PPFIA2: variants seen among roughly 807,000 people sequenced by gnomAD.
PPFIA2 encodes PPFI scaffold protein A2, also known as liprin-alpha-2.
PPFIA2 carries 46 observed loss-of-function variants against 175.5 expected under a neutral mutation model. The ratio of observed to expected loss-of-function variants is 0.26; its 90% CI spans 0.21 to 0.34. The LOEUF is 0.34. Ranked by LOEUF, PPFIA2 falls within the 10% of genes least tolerant of loss-of-function variation. PPFIA2 has a pLI of 1.00. For missense variants in PPFIA2, 1,179 were observed against 1,506.1 expected, an observed-to-expected ratio of 0.78 and a Z score of 3.60; for synonymous variants, 568 against 511.4, an observed-to-expected ratio of 1.11 and a Z score of -1.49.
chr12:81,672,251 T>C (rs2153564497), intron 4 of PPFIA2, among the ~76,000 whole-genome samples: 1 of 152,142 alleles, frequency 6.6e-6, no homozygotes, highest in South Asian at 2.1e-4. Flanking sequence ...ATCTTATCTG[T>C]TGAAGTAAAT....
chr12:81,515,739 C>A (rs1321070131), intron 4 of PPFIA2, among the ~76,000 whole-genome samples: 1 of 152,084 alleles, frequency 6.6e-6, no homozygotes, highest in Non-Finnish European at 1.5e-5. Flanking sequence ...GATTATTTAA[C>A]AATTCTATTT....
At chr12:81,740,582 G>T (rs796184506) in intron 3 of PPFIA2, among the ~76,000 whole-genome samples, 6 of 152,280 alleles carry the variant, frequency 3.9e-5, no homozygotes, top group African/African-American at 1.4e-4. Context: ...AAGCTGTAAA[G>T]CTCTGAAGTG....
At chr12:81,472,823 T>C (rs2056941708) in intron 4 of PPFIA2, 1 of 152,232 alleles carries the variant, frequency 6.6e-6, no homozygotes, top group Non-Finnish European at 1.5e-5. Flanking sequence ...TTTTCTCTCC[T>C]GTTCCTAGGG....
chr12:81,640,617 C>T (rs2064833289), intron 4 of PPFIA2, among the ~76,000 whole-genome samples: 1 of 152,004 alleles, frequency 6.6e-6, no homozygotes, highest in African/African-American at 2.4e-5. Context: ...GCCCCATCAT[C>T]CATTTCCATT....
rs1469603397 is a variant in PPFIA2 at position 81,281,271 on chromosome 12, C to A, written c.3198G>T (p.Val1066=). 1.9e-6 allele frequency: 3 copies of A among 1,597,972 alleles called. No individual in the cohort carries two copies. In the South Asian group the frequency reaches 3.4e-5, roughly 18 times the overall value. ...KKDLRVHLKM[V]DSFHRTSLQY... is the part of the protein sequence containing the mutation. ...AAAACACCTACCGATGGAAACTATC[C>A]ACCATTTTTAAATGGACACGGAGAT... Residue 1066 remains valine (V), a synonymous_variant, in exon 27 of 33, where the codon GTG becomes GTT. Coordinates refer to ENST00000549396, the MANE Select transcript of PPFIA2 (RefSeq NM_003625.5).
At chr12:81,748,052 T>C (rs2083281080) in intron 3 of PPFIA2, among the ~76,000 whole-genome samples, 2 of 144,512 alleles carry the variant, frequency 1.4e-5, no homozygotes, top group Non-Finnish European at 3.1e-5. Context: ...GACTTTCCAA[T>C]GGTCCTCCAG....
At chr12:81,341,306 T>C in intron 19 of PPFIA2, 98 bp from the exon 20 acceptor site, 1 of 1,221,508 alleles carries the variant, frequency 8.2e-7, no homozygotes, top group Non-Finnish European at 1.1e-6. Context: ...TCGAGTAATT[T>C]TAATACAAAA....
chr12:81,586,539 G>A (rs887782587), intron 4 of PPFIA2, among the ~76,000 whole-genome samples: 2 of 151,630 alleles, frequency 1.3e-5, no homozygotes, highest in Admixed American at 1.3e-4. Context: ...ACATATTTAT[G>A]ACTATAAAAC....
At chr12:81,731,434 G>A (rs1208326655) in intron 3 of PPFIA2, among the ~76,000 whole-genome samples, 2 of 151,576 alleles carry the variant, frequency 1.3e-5, no homozygotes, top group African/African-American at 4.8e-5. Context: ...TTGAGACACA[G>A]GGAGGTTCAG....
intron 4 of PPFIA2, among the ~76,000 whole-genome samples, chr12:81,601,903 A>G (rs1221429827): frequency 6.6e-6 from 1 of 151,944 alleles, no homozygotes; most frequent in Non-Finnish European, 1.5e-5. Context: ...TAGCAATTTA[A>G]TGCCCATCTT....
intron 4 of PPFIA2, among the ~76,000 whole-genome samples, chr12:81,461,304 C>T (rs1000501870): frequency 1.3e-5 from 2 of 152,012 alleles, no homozygotes; most frequent in Non-Finnish European, 2.9e-5. Context: ...TCAAGGTCAC[C>T]GCTCAATATG....
chr12:81,448,653 T>C (rs564705450), intron 5 of PPFIA2, among the ~76,000 whole-genome samples: 1 of 152,204 alleles, frequency 6.6e-6, no homozygotes, highest in Non-Finnish European at 1.5e-5. Flanking sequence ...TTTTTGTTTG[T>C]TTAGTTTTGT....
At chr12:81,400,014 C>T (rs564039306) in intron 8 of PPFIA2, among the ~76,000 whole-genome samples, 2 of 151,956 alleles carry the variant, frequency 1.3e-5, no homozygotes, top group Non-Finnish European at 2.9e-5. Context: ...AAAATATAGT[C>T]AATATATTGA....
intron 4 of PPFIA2, among the ~76,000 whole-genome samples, chr12:81,513,141 T>A (rs1237601535): frequency 6.6e-6 from 1 of 151,920 alleles, no homozygotes; most frequent in Admixed American, 6.6e-5. Flanking sequence ...CCAACAAACA[T>A]GGAAAAATGC....
intron 7 of PPFIA2, 112 bp downstream of exon 7, chr12:81,439,860 G>C (rs2049840996): frequency 1.1e-6 from 1 of 921,780 alleles, no homozygotes; most frequent in Non-Finnish European, 1.6e-6. Flanking sequence ...CAATGGCATA[G>C]ACAGAATGTA....
At chr12:81,722,182 A>G (rs1042555078) in intron 3 of PPFIA2, among the ~76,000 whole-genome samples, 7 of 151,100 alleles carry the variant, frequency 4.6e-5, no homozygotes, top group African/African-American at 1.5e-4. Context: ...GGAGTATTCA[A>G]TGTGACTCAT....
intron 20 of PPFIA2, 46 bp downstream of exon 20, chr12:81,341,032 T>G: frequency 6.6e-7 from 1 of 1,511,004 alleles, no homozygotes; most frequent in Non-Finnish European, 9.0e-7. Flanking sequence ...GAGGAATATT[T>G]TTGGAAGGAG....
chr12:81,435,281 C>T (rs1484315264), intron 7 of PPFIA2, among the ~76,000 whole-genome samples: 2 of 152,178 alleles, frequency 1.3e-5, no homozygotes, highest in Admixed American at 6.5e-5. Context: ...TCAGCTCCCA[C>T]TGACCTCCCT....
At chr12:81,487,213 G>A (rs2058926152) in intron 4 of PPFIA2, among the ~76,000 whole-genome samples, 1 of 151,850 alleles carries the variant, frequency 6.6e-6, no homozygotes, top group Non-Finnish European at 1.5e-5. Context: ...GGAGAAAGGT[G>A]ACCCCTGGAA....
Sources: gnomAD v4.1 joint callset for allele counts (sites outside exome capture counted in the v4.1 genomes callset) on GRCh38, gnomAD v4.1.1 for gene constraint, MANE v1.5 for transcripts, NCBI Gene and HGNC (gene_info 2026-07-23, HGNC 2026-07-21) for gene names.